MAP2: variants seen among roughly 807,000 people sequenced by gnomAD.
MAP2 encodes the protein microtubule associated protein 2.
A neutral mutation model predicts 137.6 loss-of-function variants in MAP2; 14 were observed. The observed-to-expected ratio is 0.10, with a 90% CI of 0.07 to 0.16. The LOEUF is 0.16. Among genes scored for constraint, MAP2 ranks in the 10% least tolerant of loss-of-function variants. The pLI, the probability that MAP2 is intolerant of heterozygous loss-of-function variation, is 1.00. For missense variants in MAP2, 2,088 were observed against 2,191.5 expected, an observed-to-expected ratio of 0.95 and a Z score of 0.94; for synonymous variants, 786 against 782.3, an observed-to-expected ratio of 1.00 and a Z score of -0.08.
intron 3 of MAP2, among the ~76,000 whole-genome samples, chr2:209,623,015 T>C (rs1459873078): frequency 6.6e-6 from 1 of 152,210 alleles, no homozygotes; most frequent in Non-Finnish European, 1.5e-5. Flanking sequence ...TCACTTTCAT[T>C]CATATGTAAC....
chr2:209,499,660 C>A (rs116328992), intron 1 of MAP2, among the ~76,000 whole-genome samples: 153 of 152,178 alleles, frequency 1.0e-3, no homozygotes, highest in African/African-American at 3.6e-3. Flanking sequence ...AACACAGTGC[C>A]GGCATCAGCT....
intron 1 of MAP2, among the ~76,000 whole-genome samples, chr2:209,489,222 C>T (rs1576083190): frequency 1.3e-5 from 2 of 152,292 alleles, no homozygotes; most frequent in Non-Finnish European, 1.5e-5. Context: ...GGAAAACTAA[C>T]AAACAGAAAG....
At chr2:209,553,867 A>T (rs1445868268) in intron 2 of MAP2, among the ~76,000 whole-genome samples, 1 of 152,216 alleles carries the variant, frequency 6.6e-6, no homozygotes, top group Non-Finnish European at 1.5e-5. Context: ...GTGGGGAAAG[A>T]TGTAAAATGC....
At chr2:209,649,238 A>T (rs1385445088) in intron 4 of MAP2, among the ~76,000 whole-genome samples, 1 of 151,982 alleles carries the variant, frequency 6.6e-6, no homozygotes, top group Non-Finnish European at 1.5e-5. Context: ...GCTGGTCTTG[A>T]ACTCCTGGAC....
At chr2:209,442,666 A>ATC (rs1284414047) in intron 1 of MAP2, among the ~76,000 whole-genome samples, 1 of 151,600 alleles carries the variant, frequency 6.6e-6, no homozygotes, top group Non-Finnish European at 1.5e-5. Context: ...CAGTTTGGGA[A>ATC]TCTTCCCTGA....
intron 1 of MAP2, among the ~76,000 whole-genome samples, chr2:209,434,206 T>G (rs1695084319): frequency 6.6e-6 from 1 of 152,076 alleles, no homozygotes; most frequent in African/African-American, 2.4e-5. Context: ...AATGCTCTGT[T>G]GAGTTTAGCT....
chr2:209,492,200 C>A (rs1157284878), intron 1 of MAP2, among the ~76,000 whole-genome samples: 1 of 152,126 alleles, frequency 6.6e-6, no homozygotes, highest in Non-Finnish European at 1.5e-5. Flanking sequence ...ACATGATTAT[C>A]TCAATGGATG....
intron 2 of MAP2, among the ~76,000 whole-genome samples, chr2:209,513,104 C>G (rs1235232055): frequency 6.6e-6 from 1 of 152,082 alleles, no homozygotes; most frequent in Non-Finnish European, 1.5e-5. Flanking sequence ...GTAGAAAATG[C>G]TAATACTCTA....
chr2:209,442,774 A>G (rs1227085375), intron 1 of MAP2, among the ~76,000 whole-genome samples: 1 of 151,652 alleles, frequency 6.6e-6, no homozygotes, highest in African/African-American at 2.4e-5. Flanking sequence ...TTATTTCAAT[A>G]TCCACCCTTA....
chr2:209,624,306 A>G (rs1387805995), intron 3 of MAP2, among the ~76,000 whole-genome samples: 1 of 152,182 alleles, frequency 6.6e-6, no homozygotes, highest in African/African-American at 2.4e-5. Context: ...ACCTAGTATA[A>G]GAGAGCTGGA....
chr2:209,682,058 T>A (rs1465272754), intron 7 of MAP2, among the ~76,000 whole-genome samples: 2 of 152,174 alleles, frequency 1.3e-5, no homozygotes, highest in Non-Finnish European at 2.9e-5. Context: ...TTAGTTAATG[T>A]GATTTAATCT....
chr2:209,452,018 G>A (rs1180532511), intron 1 of MAP2, among the ~76,000 whole-genome samples: 12 of 152,122 alleles, frequency 7.9e-5, no homozygotes, highest in Non-Finnish European at 7.4e-5. Flanking sequence ...TAAAAAGATT[G>A]TATTGATTGT....
chr2:209,552,599 A>G (rs925255895), intron 2 of MAP2, among the ~76,000 whole-genome samples: 1 of 152,180 alleles, frequency 6.6e-6, no homozygotes, highest in Non-Finnish European at 1.5e-5. Context: ...GGAGTGGCTC[A>G]TGCCTGTAAT....
At chr2:209,683,742 C>T (rs77726487) in intron 7 of MAP2, among the ~76,000 whole-genome samples, 2 of 152,004 alleles carry the variant, frequency 1.3e-5, no homozygotes, top group African/African-American at 4.8e-5. Context: ...TCCTTGATAC[C>T]CTCAAAGCAA....
At chr2:209,480,537 A>AGTTTGTTTGTTTGTTT (rs71043928) in intron 1 of MAP2, among the ~76,000 whole-genome samples, 44 of 150,636 alleles carry the variant, frequency 2.9e-4, no homozygotes, top group Non-Finnish European at 4.7e-4. Flanking sequence ...GATGATCTAA[A>AGTTTGTTTGTTTGTTT]GTTTGTTTGT....
intron 1 of MAP2, among the ~76,000 whole-genome samples, chr2:209,478,191 A>G (rs1386415405): frequency 6.6e-6 from 1 of 152,172 alleles, no homozygotes; most frequent in Non-Finnish European, 1.5e-5. Flanking sequence ...TACCTGTAAG[A>G]GAATGACATC....
At chr2:209,488,957 C>T (rs2058735344) in intron 1 of MAP2, among the ~76,000 whole-genome samples, 1 of 152,212 alleles carries the variant, frequency 6.6e-6, no homozygotes, top group Non-Finnish European at 1.5e-5. Context: ...AGACTGCCTC[C>T]TCAAGTGGGT....
chr2:209,566,846 C>T (rs1451334365), intron 2 of MAP2, among the ~76,000 whole-genome samples: 2 of 152,020 alleles, frequency 1.3e-5, no homozygotes, highest in African/African-American at 4.8e-5. Context: ...TAACACAGGC[C>T]TCACATCCCT....
intron 3 of MAP2, among the ~76,000 whole-genome samples, chr2:209,581,757 T>G (rs886422019): frequency 6.6e-6 from 1 of 152,144 alleles, no homozygotes; most frequent in African/African-American, 2.4e-5. Flanking sequence ...ATTTAACTGC[T>G]AAAAAATGAC....
Sources: gnomAD v4.1 joint callset for allele counts (sites outside exome capture counted in the v4.1 genomes callset) on GRCh38, gnomAD v4.1.1 for gene constraint, MANE v1.5 for transcripts, NCBI Gene and HGNC (gene_info 2026-07-23, HGNC 2026-07-21) for gene names.